PLCB4: variants seen among roughly 807,000 people sequenced by gnomAD.
PLCB4 encodes 1-phosphatidylinositol 4,5-bisphosphate phosphodiesterase beta-4.
Under a neutral mutation model 178.8 loss-of-function variants are expected in PLCB4, and 77 were observed. The ratio of observed to expected loss-of-function variants is 0.43; its 90% CI spans 0.36 to 0.52. PLCB4 has a LOEUF of 0.52. Among genes scored for constraint, PLCB4 ranks in the 20% least tolerant of loss-of-function variants. The pLI is 0.00. For synonymous variants in PLCB4, 496 were observed against 490.8 expected (o/e 1.01, Z -0.14); for missense variants, 1,024 against 1,453.4 (o/e 0.70, Z 4.80).
intron 2 of PLCB4, among the ~76,000 whole-genome samples, chr20:9,206,569 G>GACA (rs902458087): frequency 6.6e-6 from 1 of 152,126 alleles, no homozygotes; most frequent in African/African-American, 2.4e-5. Context: ...GAAGAAACAG[G>GACA]ACACAGGGAC....
At chr20:9,214,238 T>C (rs1196847467) in intron 2 of PLCB4, among the ~76,000 whole-genome samples, 1 of 152,186 alleles carries the variant, frequency 6.6e-6, no homozygotes, top group Non-Finnish European at 1.5e-5. Flanking sequence ...ATGTTATATT[T>C]ACTTTTAAGA....
At chr20:9,228,428 C>G (rs1361244732) in intron 3 of PLCB4, among the ~76,000 whole-genome samples, 1 of 152,032 alleles carries the variant, frequency 6.6e-6, no homozygotes, top group African/African-American at 2.4e-5. Flanking sequence ...TAGGATTTTC[C>G]TTTTGGAAAG....
chr20:9,377,507 AC>A (rs1416757172), intron 12 of PLCB4, among the ~76,000 whole-genome samples: 2 of 152,148 alleles, frequency 1.3e-5, no homozygotes, highest in East Asian at 1.9e-4. Flanking sequence ...CCTTTGGATT[AC>A]CCAGATTGAT....
chr20:9,279,924 A>T (rs2094479838), intron 3 of PLCB4, among the ~76,000 whole-genome samples: 8 of 152,028 alleles, frequency 5.3e-5, no homozygotes, highest in Admixed American at 3.9e-4. Context: ...TAATGGCCTT[A>T]TACTGTTTAG....
At chr20:9,302,260 C>T (rs1363639263) in intron 3 of PLCB4, among the ~76,000 whole-genome samples, 1 of 151,810 alleles carries the variant, frequency 6.6e-6, no homozygotes, top group African/African-American at 2.4e-5. Context: ...CAGTTCCTCC[C>T]CTCTTTTAAA....
intron 38 of PLCB4, among the ~76,000 whole-genome samples, chr20:9,475,702 A>G (rs1276530454): frequency 1.3e-5 from 2 of 152,212 alleles, no homozygotes; most frequent in Non-Finnish European, 2.9e-5. Flanking sequence ...ATTCAATCCC[A>G]GATCTTTCTA....
At position 9,070,640 on chromosome 20, in the gene PLCB4, T is replaced by C. The variant is rs1600204817; in HGVS notation, c.-135+1434T>C. Among the ~76,000 whole-genome samples, 8 of 152,344 alleles carry C rather than the reference T, an allele frequency of 5.3e-5. 1 individual carries two copies. On this transcript the variant is annotated intron_variant, in intron 1 of 39. Transcript: ENST00000378473. ...GATTGCCATCTTTGGAGAGCACCTG[T>C]TTTCATAAAAAATCACTTTTTGAAA...
chr20:9,201,821 T>C (rs1365313205), intron 2 of PLCB4, among the ~76,000 whole-genome samples: 1 of 152,104 alleles, frequency 6.6e-6, no homozygotes, highest in African/African-American at 2.4e-5. Flanking sequence ...TGAAAGACAG[T>C]TGGACAGTTT....
intron 34 of PLCB4, among the ~76,000 whole-genome samples, chr20:9,459,135 G>A (rs1568883926): frequency 6.6e-6 from 1 of 152,178 alleles, no homozygotes; most frequent in Non-Finnish European, 1.5e-5. Flanking sequence ...CCTGAGATCG[G>A]GAGTTTGAGA....
At position 9,471,803 on chromosome 20, in the gene PLCB4, GTTGGGGACAACTGGA is replaced by G. The variant is rs370607789; in HGVS notation, c.3351-982_3351-968del. The stretch of plus-strand genomic sequence containing the variant: ...CCCAGACACTGCAGATGGAAATGCA[GTTGGGGACAACTGGA>G]TTGGAGTAAGGAAGAGCCTGTTCGT... On this transcript the variant is annotated intron_variant, in intron 36 of 39. Transcript: ENST00000378473. 8.0e-3 allele frequency among the ~76,000 whole-genome samples: 1,218 copies of G among 152,260 alleles called. 20 individuals carry two copies. The highest frequency in any genetic ancestry group is 0.028 in the African/African-American group (1,153 of 41,528).
At chr20:9,115,084 A>G (rs996272005) in intron 2 of PLCB4, among the ~76,000 whole-genome samples, 1 of 152,250 alleles carries the variant, frequency 6.6e-6, no homozygotes. Context: ...TTGTTTGAGT[A>G]GGTGAAGGAC....
intron 7 of PLCB4, among the ~76,000 whole-genome samples, chr20:9,341,583 A>T (rs1165797911): frequency 6.6e-6 from 1 of 152,088 alleles, no homozygotes; most frequent in East Asian, 1.9e-4. Context: ...GAAGAGGAAG[A>T]GGTTGGTCTT....
At chr20:9,114,167 T>C (rs533589054) in intron 2 of PLCB4, among the ~76,000 whole-genome samples, 1 of 152,254 alleles carries the variant, frequency 6.6e-6, no homozygotes, top group African/African-American at 2.4e-5. Context: ...TGAGCTGAGA[T>C]CATGCCATTG....
At chr20:9,160,439 AAT>A (rs2092868408) in intron 2 of PLCB4, among the ~76,000 whole-genome samples, 1 of 152,170 alleles carries the variant, frequency 6.6e-6, no homozygotes, top group Non-Finnish European at 1.5e-5. Context: ...GTGTTGAGTA[AAT>A]GAACGCACAG....
rs1478454400 is a variant in PLCB4, at chr20:9,480,738, A to G, written c.*1729A>G. On this transcript the variant is annotated 3_prime_UTR_variant, in exon 40 of 40. Coordinates refer to ENST00000378473, the MANE Select transcript of PLCB4 (RefSeq NM_001377142.1). Reference sequence around the variant, plus strand: ...ATCTGTAAAACAGTGGAGTTAGACTACATATCTTTTGGCACTAACATCTCA... The same window carrying G: ...ATCTGTAAAACAGTGGAGTTAGACTGCATATCTTTTGGCACTAACATCTCA... 1 of 152,216 alleles carries G rather than the reference A, an allele frequency of 6.6e-6. No homozygotes were observed. The highest frequency in any genetic ancestry group is 1.5e-5 in the Non-Finnish European group (1 of 68,050). 9.4% of individuals were successfully genotyped at this position (152,216 alleles called of 1,614,324 possible).
intron 2 of PLCB4, among the ~76,000 whole-genome samples, chr20:9,172,762 G>A (rs148327940): frequency 1.0e-3 from 155 of 152,244 alleles, no homozygotes; most frequent in African/African-American, 3.6e-3. Flanking sequence ...CTCGCCCTAA[G>A]AACAGAATTA....
chr20:9,369,541 C>T (rs1465784858), intron 9 of PLCB4, among the ~76,000 whole-genome samples: 1 of 152,182 alleles, frequency 6.6e-6, no homozygotes, highest in Non-Finnish European at 1.5e-5. Context: ...CACACATATT[C>T]TCTCCCATAT....
chr20:9,474,579 A>G (rs993708041), intron 38 of PLCB4, among the ~76,000 whole-genome samples: 1 of 152,186 alleles, frequency 6.6e-6, no homozygotes, highest in Non-Finnish European at 1.5e-5. Context: ...CATCTATAAA[A>G]CAATCCTATT....
intron 2 of PLCB4, among the ~76,000 whole-genome samples, chr20:9,127,676 A>G (rs2092156124): frequency 7.4e-6 from 1 of 135,032 alleles, no homozygotes; most frequent in South Asian, 2.5e-4. Context: ...CTATCTATCT[A>G]TCTATCTATC....
Sources: allele counts gnomAD v4.1 joint callset (sites outside exome capture counted in the v4.1 genomes callset), GRCh38; gene constraint gnomAD v4.1.1; transcripts MANE v1.5; gene names NCBI Gene and HGNC (gene_info 2026-07-23, HGNC 2026-07-21).